The following LYPLA1 variants were observed in gnomAD, a reference collection of about 807,000 sequenced individuals.
The protein encoded by LYPLA1 is acyl-protein thioesterase 1.
In LYPLA1, 17 loss-of-function variants were observed where a neutral mutation model predicts 34.0. The observed-to-expected ratio is 0.50, with a 90% CI of 0.34 to 0.75. The LOEUF is 0.75. LYPLA1 is among the 30% of genes least tolerant of loss of function. The pLI is 0.01. For missense variants in LYPLA1, 203 were observed against 288.8 expected (o/e 0.70, Z 2.15); for synonymous variants, 98 against 100.8 (o/e 0.97, Z 0.17).
chr8:54,088,729 T>C (rs1477806473), intron 2 of LYPLA1, among the ~76,000 whole-genome samples: 1 of 152,244 alleles, frequency 6.6e-6, no homozygotes, highest in Non-Finnish European at 1.5e-5. Context: ...CATTAATTGA[T>C]GAATGAATTA....
chr8:54,064,687 C>CAGA (rs1806916872), intron 3 of LYPLA1, among the ~76,000 whole-genome samples: 1 of 152,154 alleles, frequency 6.6e-6, no homozygotes, highest in Admixed American at 6.6e-5. Context: ...TATGTCCAAT[C>CAGA]CCTTCTTGTC....
At chr8:54,099,370 G>A (rs1028543934) in intron 2 of LYPLA1, among the ~76,000 whole-genome samples, 1 of 152,060 alleles carries the variant, frequency 6.6e-6, no homozygotes, top group African/African-American at 2.4e-5. Flanking sequence ...TACATAACTC[G>A]ACTTATTAGG....
At chr8:54,065,487 T>TAAAA (rs1201127837) in intron 3 of LYPLA1, among the ~76,000 whole-genome samples, 49 of 145,368 alleles carry the variant, frequency 3.4e-4, no homozygotes, top group South Asian at 1.1e-3. Context: ...AATAAATAAA[T>TAAAA]AAAATAATTT....
At chr8:54,072,136 A>C (rs1807522243) in intron 2 of LYPLA1, among the ~76,000 whole-genome samples, 2 of 152,216 alleles carry the variant, frequency 1.3e-5, no homozygotes, top group Admixed American at 1.3e-4. Context: ...GCAATGGGAA[A>C]AAGGACTCCC....
chr8:54,066,780 C>CAA (rs983956740), intron 2 of LYPLA1, among the ~76,000 whole-genome samples: 1 of 141,396 alleles, frequency 7.1e-6, no homozygotes, highest in Non-Finnish European at 1.5e-5. Flanking sequence ...GACTCCATCT[C>CAA]AAAAAAAAAG....
intron 6 of LYPLA1, 98 bp from the exon 7 acceptor site, chr8:54,052,854 A>G: frequency 1.4e-6 from 1 of 732,536 alleles, no homozygotes; most frequent in East Asian, 2.6e-5. Context: ...AAAAAATCAA[A>G]CTTGGTGGCT....
At chr8:54,073,976 T>C (rs1430169615) in intron 2 of LYPLA1, among the ~76,000 whole-genome samples, 1 of 152,134 alleles carries the variant, frequency 6.6e-6, no homozygotes, top group Non-Finnish European at 1.5e-5. Flanking sequence ...AATAGTCTCT[T>C]TAAAAGGAAA....
At chr8:54,096,710 T>G (rs1295814916) in intron 2 of LYPLA1, among the ~76,000 whole-genome samples, 2 of 142,314 alleles carry the variant, frequency 1.4e-5, no homozygotes, top group Admixed American at 7.3e-5. Context: ...GCCACTACAC[T>G]CCAGCCTGGA....
intron 4 of LYPLA1, 108 bp downstream of exon 4, chr8:54,063,220 T>G: frequency 1.5e-6 from 1 of 682,068 alleles, no homozygotes; most frequent in Non-Finnish European, 2.4e-6. Flanking sequence ...CTATGCAACT[T>G]TGCAATTTAA....
At chr8:54,095,426 A>G (rs1371332081) in intron 2 of LYPLA1, among the ~76,000 whole-genome samples, 1 of 152,208 alleles carries the variant, frequency 6.6e-6, no homozygotes, top group African/African-American at 2.4e-5. Flanking sequence ...CCATGGGTGA[A>G]CATATGGTGG....
At chr8:54,081,137 A>G (rs1294497687) in intron 2 of LYPLA1, among the ~76,000 whole-genome samples, 3 of 152,232 alleles carry the variant, frequency 2.0e-5, no homozygotes, top group African/African-American at 7.2e-5. Flanking sequence ...GTCTGGAGTA[A>G]CAGGCTGTTG....
intron 1 of LYPLA1, among the ~76,000 whole-genome samples, 183 bp from the exon 2 acceptor site, chr8:54,101,122 C>T (rs967098339): frequency 4.0e-5 from 6 of 149,520 alleles, no homozygotes; most frequent in Admixed American, 1.3e-4. Flanking sequence ...TCAACTTCTC[C>T]CTTTATTTCC....
At chr8:54,062,486 TC>T (rs1191640623) in intron 4 of LYPLA1, among the ~76,000 whole-genome samples, 162 bp from the exon 5 acceptor site, 7 of 150,596 alleles carry the variant, frequency 4.6e-5, no homozygotes, top group African/African-American at 1.5e-4. Flanking sequence ...AGACGAAGTC[TC>T]ACTATTTATT....
intron 2 of LYPLA1, among the ~76,000 whole-genome samples, chr8:54,081,030 T>A (rs1371491407): frequency 6.6e-6 from 1 of 152,194 alleles, no homozygotes; most frequent in Non-Finnish European, 1.5e-5. Flanking sequence ...TGCCAAAGAA[T>A]AAAAATGCTG....
intron 3 of LYPLA1, 50 bp downstream of exon 3, chr8:54,065,698 T>C: frequency 7.0e-7 from 1 of 1,425,382 alleles, no homozygotes. Flanking sequence ...CAATCACAAT[T>C]GCTCCTCTCC....
chr8:54,097,576 C>A (rs1339179973), intron 2 of LYPLA1, among the ~76,000 whole-genome samples: 1 of 152,102 alleles, frequency 6.6e-6, no homozygotes, highest in East Asian at 1.9e-4. Flanking sequence ...AATGGGATAA[C>A]TTTTCTGTGA....
intron 5 of LYPLA1, among the ~76,000 whole-genome samples, chr8:54,057,710 A>C (rs1806311925): frequency 6.6e-6 from 1 of 151,980 alleles, no homozygotes; most frequent in Non-Finnish European, 1.5e-5. Context: ...TAATGGGTAC[A>C]AAAAAAATAG....
chr8:54,077,347 G>A (rs1807983780), intron 2 of LYPLA1, among the ~76,000 whole-genome samples: 1 of 152,100 alleles, frequency 6.6e-6, no homozygotes, highest in Non-Finnish European at 1.5e-5. Flanking sequence ...ACTTGATGGT[G>A]GAGGGTGGAA....
intron 7 of LYPLA1, 138 bp from the exon 8 acceptor site, chr8:54,051,326 C>T: frequency 1.5e-6 from 1 of 649,586 alleles, no homozygotes; most frequent in Non-Finnish European, 2.5e-6. Flanking sequence ...AAAATTCCTT[C>T]ATCCATATAC....
Sources: allele counts gnomAD v4.1 joint callset (sites outside exome capture counted in the v4.1 genomes callset), GRCh38; gene constraint gnomAD v4.1.1; transcripts MANE v1.5; gene names NCBI Gene and HGNC (gene_info 2026-07-23, HGNC 2026-07-21).